The following DAZL variants were observed in gnomAD, a reference collection of about 807,000 sequenced individuals.
The protein encoded by DAZL is deleted in azoospermia-like.
In DAZL, 4 loss-of-function variants were observed where a neutral mutation model predicts 45.0. The ratio of observed to expected loss-of-function variants is 0.09; its 90% CI spans 0.04 to 0.20. The LOEUF (loss-of-function observed/expected upper bound fraction) is 0.20. Among genes scored for constraint, DAZL ranks in the 10% least tolerant of loss-of-function variants. The pLI is 1.00. For synonymous variants in DAZL, 122 were observed against 112.4 expected (o/e 1.09, Z -0.54); for missense variants, 326 against 351.3 (o/e 0.93, Z 0.58).
In DAZL at chr3:16,595,381, T is replaced by G. The variant is rs2125045513; in HGVS notation, c.503A>C (p.Tyr168Ser). The change falls in exon 7 of 11, where the codon TAT (tyrosine) becomes TCT (serine). Residue 168 changes from tyrosine (Y) to serine (S), a missense_variant. Coordinates refer to ENST00000399444, the MANE Select transcript of DAZL (RefSeq NM_001351.4). Reference protein sequence around the residue: ...MNPITQYVQAYPTYPNSPVQV... With the variant: ...MNPITQYVQASPTYPNSPVQV... ...AACTGGTGAATTTGGGTAAGTAGGATATGCCTGAAAATCAAGTTTACAGAA... is the reference window on the plus strand; with the variant it reads ...AACTGGTGAATTTGGGTAAGTAGGAGATGCCTGAAAATCAAGTTTACAGAA... 6.4e-7 allele frequency: 1 copy of G among 1,568,580 alleles called. No individual in the cohort carries two copies. The highest frequency in any genetic ancestry group is 2.3e-5 in the East Asian group (1 of 44,262).
chr3:16,598,381 G>C, intron 2 of DAZL, 71 bp downstream of exon 2: 1 of 1,584,118 alleles, frequency 6.3e-7, no homozygotes, highest in South Asian at 1.1e-5. Context: ...AAAACCTTAA[G>C]TTTGTAACAG....
At chr3:16,604,032 A>G (rs967673964) in intron 1 of DAZL, among the ~76,000 whole-genome samples, 2 of 152,158 alleles carry the variant, frequency 1.3e-5, no homozygotes, top group Admixed American at 6.5e-5. Flanking sequence ...AAAGTGTTAT[A>G]ATAAATAATT....
chr3:16,601,849 C>T (rs1559405000), intron 1 of DAZL, among the ~76,000 whole-genome samples: 1 of 152,090 alleles, frequency 6.6e-6, no homozygotes, highest in African/African-American at 2.4e-5. Flanking sequence ...AACCAAGTGA[C>T]AAAGACAGCT....
At chr3:16,603,836 T>C (rs1694732100) in intron 1 of DAZL, among the ~76,000 whole-genome samples, 2 of 152,222 alleles carry the variant, frequency 1.3e-5, no homozygotes, top group Admixed American at 6.5e-5. Flanking sequence ...GGCCCATCTA[T>C]ATGCAATACA....
chr3:16,603,494 G>C (rs73035080), intron 1 of DAZL, among the ~76,000 whole-genome samples: 17 of 151,656 alleles, frequency 1.1e-4, no homozygotes, highest in African/African-American at 4.1e-4. Context: ...TTACAAGTGC[G>C]CACCACCACG....
Position 16,587,825 on chromosome 3 carries a change from A to T in DAZL, c.*835T>A, listed in dbSNP as rs1209132038. On this transcript the variant is annotated 3_prime_UTR_variant, in exon 11 of 11. Coordinates refer to ENST00000399444, the MANE Select transcript of DAZL (RefSeq NM_001351.4). ...GATTAACCTCTAAGAGACATAAAAA[A>T]GTTGCAGCATTCTTTAATACCAATA... is the stretch of plus-strand genomic sequence containing the variant. 1 of 153,430 alleles carries T rather than the reference A, an allele frequency of 6.5e-6. No individual in the cohort carries two copies. Among genetic ancestry groups the T allele is most frequent in the Non-Finnish European group, 1.5e-5 (1 of 68,584 alleles). The allele number at this position is 153,430 out of a possible 1,614,324, so 9.5% of individuals were successfully genotyped here. A position where few individuals can be genotyped will look rare whatever the true frequency, so the allele number is the denominator to read the frequency against.
rs1212862590 is a variant in DAZL at position 16,587,578 on chromosome 3, G to A, written c.*1082C>T. On this transcript the variant is annotated 3_prime_UTR_variant, in exon 11 of 11. Coordinates refer to ENST00000399444, the MANE Select transcript of DAZL (RefSeq NM_001351.4). ...GCTGTTTGTCACAATGTAAAATGAA[G>A]ACACCAGCTAATCTAGAAACAATGC... 6.6e-6 allele frequency: 1 copy of A among 152,566 alleles called. No individual in the cohort carries two copies. Among genetic ancestry groups the A allele is most frequent in the East Asian group, 1.9e-4 (1 of 5,196 alleles). The allele number at this position is 152,566 out of a possible 1,614,324, so 9.5% of individuals were successfully genotyped here.
rs1694569372 is a variant in DAZL, at chr3:16,594,598, A to G, written c.571-15T>C. 1 of 1,557,560 alleles carries G rather than the reference A, an allele frequency of 6.4e-7. No individual in the cohort carries two copies. The highest frequency in any genetic ancestry group is 8.7e-7 in the Non-Finnish European group (1 of 1,154,636). On this transcript the variant is annotated splice_polypyrimidine_tract_variant and intron_variant, in intron 7 of 10. Coordinates refer to ENST00000399444, the MANE Select transcript of DAZL (RefSeq NM_001351.4). The stretch of plus-strand genomic sequence containing the variant: ...TGTGGTGGCATCTTAAAAAAAAAAA[A>G]AAGGAAACCAAAATTATTCAAATAT...
At chr3:16,592,490 A>G (rs1276384025) in intron 9 of DAZL, among the ~76,000 whole-genome samples, 4 of 151,912 alleles carry the variant, frequency 2.6e-5, no homozygotes, top group Non-Finnish European at 5.9e-5. Context: ...AATTGCTTGA[A>G]TCCAGGAGGT....
chr3:16,590,173 G>A (rs1694495726), intron 10 of DAZL, among the ~76,000 whole-genome samples: 2 of 137,248 alleles, frequency 1.5e-5, no homozygotes, highest in Admixed American at 1.5e-4. Flanking sequence ...AAAGTAAGCT[G>A]ATATACAATT....
rs567454023 is a variant in DAZL, at chr3:16,587,669, C to G, written c.*991G>C. 6.5e-6 allele frequency: 1 copy of G among 152,812 alleles called. No homozygotes were observed. Among genetic ancestry groups the G allele is most frequent in the South Asian group, 2.1e-4 (1 of 4,834 alleles). The allele number at this position is 152,812 out of a possible 1,614,324, so 9.5% of individuals were successfully genotyped here. On this transcript the variant is annotated 3_prime_UTR_variant, in exon 11 of 11. Transcript: ENST00000399444. ...AACAACTTTTGTGGTTTAGAAATAA[C>G]CAAAACTAACTACTTTGACTCTTCT...
intron 1 of DAZL, among the ~76,000 whole-genome samples, chr3:16,599,664 T>A (rs1161465696): frequency 6.6e-6 from 1 of 152,194 alleles, no homozygotes; most frequent in African/African-American, 2.4e-5. Context: ...GAAACACACA[T>A]ATAACTCATT....
rs1694532508 is a variant in DAZL, at chr3:16,592,268, T to C, written c.736-120A>G. The C allele has an allele frequency of 9.7e-6, 14 of 1,440,528 alleles. No homozygotes were observed. In the Admixed American group the frequency reaches 2.6e-4, roughly 27 times the overall value. 89.2% of individuals were successfully genotyped at this position (1,440,528 alleles called of 1,614,324 possible). Reference sequence around the variant, plus strand: ...ATTTCTAAAGAAATGCAAAAAATGCTAAAAGAGACTGGGAGTGGTGGCTCA... The same window carrying C: ...ATTTCTAAAGAAATGCAAAAAATGCCAAAAGAGACTGGGAGTGGTGGCTCA... On this transcript the variant is annotated intron_variant, in intron 9 of 10. Coordinates refer to ENST00000399444, the MANE Select transcript of DAZL (RefSeq NM_001351.4).
intron 1 of DAZL, 35 bp downstream of exon 1, chr3:16,605,168 C>A (rs1482200558): frequency 1.9e-5 from 30 of 1,613,984 alleles, no homozygotes; most frequent in Non-Finnish European, 2.5e-5. Context: ...GAAGACTCCG[C>A]CAGCCTTGCC....
intron 6 of DAZL, 23 bp from the exon 7 acceptor site, chr3:16,595,408 G>C: frequency 7.2e-7 from 1 of 1,383,762 alleles, no homozygotes. Context: ...TTTACAGAAA[G>C]AATGAATAAT....
rs1203210478 is a variant in DAZL, at chr3:16,592,063, T to A, written c.821A>T (p.Asp274Val). 3 of 1,613,306 alleles carry A rather than the reference T, an allele frequency of 1.9e-6. No individual in the cohort carries two copies. The highest frequency in any genetic ancestry group is 2.5e-6 in the Non-Finnish European group (3 of 1,179,376). The stretch of plus-strand genomic sequence containing the variant: ...TTATATTCATACCTTGAAGTAGTCA[T>A]CTTGAGTAACAACAGAGTTTCTCAG... ...NRLRNSVVTQDDYFKDKRVHH... is the reference protein window; with the variant it reads ...NRLRNSVVTQVDYFKDKRVHH... Residue 274 changes from aspartate (D) to valine (V), a missense_variant, in exon 10 of 11, where the codon GAT becomes GTT. By Grantham distance (152) the Asp-to-Val change is radical. Transcript: ENST00000399444.
intron 1 of DAZL, among the ~76,000 whole-genome samples, chr3:16,602,047 TA>T (rs757931456): frequency 5.5e-4 from 83 of 151,924 alleles, no homozygotes; most frequent in Non-Finnish European, 2.1e-4. Context: ...AAGAGAATGC[TA>T]AAATTAAGAA....
chr3:16,591,994 A>G (rs1231041041), intron 10 of DAZL, 56 bp downstream of exon 10: 2 of 1,554,916 alleles, frequency 1.3e-6, no homozygotes, highest in Non-Finnish European at 1.8e-6. Flanking sequence ...AGGAAAACAG[A>G]TACTTTAAAG....
At position 16,605,351 on chromosome 3, in the gene DAZL, A is replaced by T. The variant is rs1248575803; in HGVS notation, c.-146T>A. On this transcript the variant is annotated 5_prime_UTR_variant, in exon 1 of 11. Coordinates refer to ENST00000399444, the MANE Select transcript of DAZL (RefSeq NM_001351.4). Reference sequence around the variant, plus strand: ...AGGAGCCAAAGATGAAGAGAAAAGGAAAACCAAGAGCGGGTGACAAGGCTG... The same window carrying T: ...AGGAGCCAAAGATGAAGAGAAAAGGTAAACCAAGAGCGGGTGACAAGGCTG... The T allele has an allele frequency of 2.0e-6, 2 of 1,010,904 alleles. No individual in the cohort carries two copies. The highest frequency in any genetic ancestry group is 4.9e-5 in the East Asian group (2 of 41,230). 62.6% of individuals were successfully genotyped at this position (1,010,904 alleles called of 1,614,324 possible).
Sources: gnomAD v4.1 joint callset for allele counts (sites outside exome capture counted in the v4.1 genomes callset) on GRCh38, gnomAD v4.1.1 for gene constraint, MANE v1.5 for transcripts, NCBI Gene and HGNC (gene_info 2026-07-23, HGNC 2026-07-21) for gene names.